ZNF480: variants seen among roughly 807,000 people sequenced by gnomAD.
ZNF480 encodes zinc finger protein 480.
A neutral mutation model predicts 14.4 loss-of-function variants in ZNF480; 15 were observed. The observed-to-expected ratio is 1.04, with a 90% CI of 0.70 to 1.60. The LOEUF is 1.60. Among genes scored for constraint, ZNF480 ranks in the 40% most tolerant of loss-of-function variants. The pLI is 0.00. For missense variants in ZNF480, 593 were observed against 629.7 expected (o/e 0.94, Z 0.62); for synonymous variants, 218 against 215.5 (o/e 1.01, Z -0.10).
chr19:52,300,764 T>C, intron 2 of ZNF480: 1 of 501,016 alleles, frequency 2.0e-6, no homozygotes, highest in Admixed American at 3.2e-5. Flanking sequence ...GACCCACATA[T>C]TTATTGACAG....
intron 2 of ZNF480, among the ~76,000 whole-genome samples, chr19:52,310,747 TC>T (rs1210776220): frequency 2.0e-5 from 3 of 152,050 alleles, no homozygotes; most frequent in Non-Finnish European, 4.4e-5. Context: ...ATGCCTGTAA[TC>T]CCAGCACTTT....
intron 2 of ZNF480, among the ~76,000 whole-genome samples, chr19:52,311,915 A>G (rs1215953174): frequency 1.3e-5 from 2 of 152,198 alleles, no homozygotes; most frequent in Admixed American, 6.5e-5. Context: ...GCTAGTGTAT[A>G]TGGGTCTAAG....
intron 2 of ZNF480, among the ~76,000 whole-genome samples, chr19:52,309,176 C>T (rs561173542): frequency 3.9e-5 from 6 of 152,256 alleles, no homozygotes; most frequent in Admixed American, 2.0e-4. Context: ...TTCATGTGAA[C>T]GTTCTCTGAA....
chr19:52,298,074 G>A (rs1982496686), intron 1 of ZNF480, among the ~76,000 whole-genome samples: 2 of 151,952 alleles, frequency 1.3e-5, no homozygotes, highest in Admixed American at 6.6e-5. Context: ...CCGGAGAGAT[G>A]AAGGACAGCA....
chr19:52,322,344 A>G lies in ZNF480; in HGVS notation c.1094A>G (p.His365Arg). The change falls in exon 5 of 5, where the codon CAT becomes CGT. Residue 365 changes from histidine (H) to arginine (R), a missense_variant. Physicochemically the swap from His to Arg is conservative, Grantham distance 29 (BLOSUM62 0). Coordinates refer to ENST00000595962, the MANE Select transcript of ZNF480 (RefSeq NM_144684.4). ...CTCCTTGTACGACATCAGAAAATTC[A>G]TACTGGAGAGAAACCTTACAAATGT... ...IALLVRHQKI[H>R]TGEKPYKCNE... 1.9e-6 allele frequency: 3 copies of G among 1,614,026 alleles called. No individual in the cohort carries two copies. Among genetic ancestry groups the G allele is most frequent in the African/African-American group, 1.3e-5 (1 of 75,036 alleles).
At chr19:52,313,804 T>G (rs1255737976) in intron 2 of ZNF480, 1 of 444,070 alleles carries the variant, frequency 2.3e-6, no homozygotes. Context: ...CGTGGTGAAA[T>G]TCCATCTCTA....
chr19:52,308,934 C>G (rs746094955), intron 2 of ZNF480, among the ~76,000 whole-genome samples: 2 of 152,046 alleles, frequency 1.3e-5, no homozygotes, highest in Non-Finnish European at 2.9e-5. Flanking sequence ...CCATCAAATA[C>G]AAAACATTCC....
chr19:52,298,844 G>C (rs974135826), intron 1 of ZNF480, among the ~76,000 whole-genome samples: 1 of 151,924 alleles, frequency 6.6e-6, no homozygotes, highest in Non-Finnish European at 1.5e-5. Flanking sequence ...AAAAAAGCTA[G>C]AGAAAGAAGG....
intron 4 of ZNF480, among the ~76,000 whole-genome samples, chr19:52,316,519 C>T (rs139506082): frequency 7.0e-4 from 107 of 152,186 alleles, no homozygotes; most frequent in African/African-American, 2.4e-3. Flanking sequence ...CATGAGCTAC[C>T]GCGCCCAGCT....
chr19:52,318,535 T>C (rs1437694969), intron 4 of ZNF480, among the ~76,000 whole-genome samples: 1 of 152,242 alleles, frequency 6.6e-6, no homozygotes, highest in Non-Finnish European at 1.5e-5. Flanking sequence ...AATTTTGTCA[T>C]AGTGCATCGT....
intron 1 of ZNF480, among the ~76,000 whole-genome samples, chr19:52,297,509 A>G (rs1025974147): frequency 1.5e-4 from 23 of 151,924 alleles, no homozygotes; most frequent in African/African-American, 5.6e-4. Flanking sequence ...CGCCCCGCAC[A>G]GCGTAAAGTC....
chr19:52,323,276 A>G lies in ZNF480; in HGVS notation c.*418A>G, dbSNP rs1983934621. On this transcript the variant is annotated 3_prime_UTR_variant, in exon 5 of 5. Coordinates refer to ENST00000595962, the MANE Select transcript of ZNF480 (RefSeq NM_144684.4). ...CCAAGAAGAAATTGCATCCCTGAAC[A>G]GACCAATAATGAGTTCCAAAATTTA... is the stretch of plus-strand genomic sequence containing the variant. 1 of 155,726 alleles carries G rather than the reference A, an allele frequency of 6.4e-6. No individual in the cohort carries two copies. The highest frequency in any genetic ancestry group is 2.4e-5 in the African/African-American group (1 of 41,510). The allele number at this position is 155,726 out of a possible 1,614,324, so 9.6% of individuals were successfully genotyped here.
In ZNF480 at chr19:52,321,714, A is replaced by C. The variant is rs1190575666; in HGVS notation, c.464A>C (p.Glu155Ala). 1.2e-6 allele frequency: 2 copies of C among 1,614,108 alleles called. No homozygotes were observed. Among genetic ancestry groups the C allele is most frequent in the Non-Finnish European group, 1.7e-6 (2 of 1,179,976 alleles). The change falls in exon 5 of 5, where the codon GAA becomes GCA. Residue 155 changes from glutamate (E) to alanine (A), a missense_variant. Transcript: ENST00000595962. ...GTAATAAATGGATGTAATCAAGTTG[A>C]AAACTTTATCAACCACAGTTCCTCT... is the stretch of plus-strand genomic sequence containing the variant. The part of the protein sequence containing the change: ...ERVINGCNQV[E>A]NFINHSSSVS...
intron 2 of ZNF480, among the ~76,000 whole-genome samples, chr19:52,312,619 C>T (rs189041472): frequency 2.0e-4 from 31 of 152,230 alleles, no homozygotes; most frequent in African/African-American, 7.2e-4. Context: ...GCTTACTTTG[C>T]TGTTTTTAGT....
Position 52,322,862 on chromosome 19 carries a change from C to T in ZNF480, c.*4C>T, listed in dbSNP as rs765776178. 8 of 1,551,268 alleles carry T rather than the reference C, an allele frequency of 5.2e-6. No individual in the cohort carries two copies. The highest frequency in any genetic ancestry group is 6.1e-6 in the Non-Finnish European group (7 of 1,146,634). ...TTGGACAATTCATATGGGATAGAAA[C>T]TACAAATGCAACAAATGCGTCAAAG... On this transcript the variant is annotated 3_prime_UTR_variant, in exon 5 of 5. Transcript: ENST00000595962.
chr19:52,324,817 AG>A lies in ZNF480; in HGVS notation c.*1960del, dbSNP rs780590867. 17 of 152,210 alleles carry A rather than the reference AG, an allele frequency of 1.1e-4. No individual in the cohort carries two copies. Among genetic ancestry groups the A allele is most frequent in the Non-Finnish European group, 5.9e-5 (4 of 68,042 alleles). The allele number at this position is 152,210 out of a possible 1,614,324, so 9.4% of individuals were successfully genotyped here. A position where few individuals can be genotyped will look rare whatever the true frequency, so the allele number is the denominator to read the frequency against. Reference sequence around the variant, plus strand: ...TAAAGACTTAAATATAAAACCTAAAAGTATTAAATTCCTAGAAGAAAACCCA... The same window carrying A: ...TAAAGACTTAAATATAAAACCTAAAATATTAAATTCCTAGAAGAAAACCCA... On this transcript the variant is annotated 3_prime_UTR_variant, in exon 5 of 5. Coordinates refer to ENST00000595962, the MANE Select transcript of ZNF480 (RefSeq NM_144684.4).
At chr19:52,316,898 G>A (rs1487772161) in intron 4 of ZNF480, among the ~76,000 whole-genome samples, 1 of 152,140 alleles carries the variant, frequency 6.6e-6, no homozygotes, top group East Asian at 1.9e-4. Flanking sequence ...TTTTAGGACT[G>A]AATAATATTC....
At chr19:52,314,470 T>G (rs1983450061) in intron 3 of ZNF480, among the ~76,000 whole-genome samples, 191 bp downstream of exon 3, 2 of 34,242 alleles carry the variant, frequency 5.8e-5, no homozygotes, top group Non-Finnish European at 5.0e-5. Flanking sequence ...TGAAACTCCG[T>G]CCCAAAAAAA....
rs554543966 is a variant in ZNF480, at chr19:52,324,542, C to T, written c.*1684C>T. The T allele has an allele frequency of 1.6e-4, 24 of 152,200 alleles. No individual in the cohort carries two copies. Among genetic ancestry groups the T allele is most frequent in the African/African-American group, 5.3e-4 (22 of 41,510 alleles). 9.4% of individuals were successfully genotyped at this position (152,200 alleles called of 1,614,324 possible). A position where few individuals can be genotyped will look rare whatever the true frequency, so the allele number is the denominator to read the frequency against. The stretch of plus-strand genomic sequence containing the variant: ...TCACACTACCCAACTTTAAACCATA[C>T]TACAAGGCTACAGCAACTAAAACAG... On this transcript the variant is annotated 3_prime_UTR_variant, in exon 5 of 5. Coordinates refer to ENST00000595962, the MANE Select transcript of ZNF480 (RefSeq NM_144684.4).
Sources: allele counts gnomAD v4.1 joint callset (sites outside exome capture counted in the v4.1 genomes callset), GRCh38; gene constraint gnomAD v4.1.1; transcripts MANE v1.5; gene names NCBI Gene and HGNC (gene_info 2026-07-23, HGNC 2026-07-21).